The following ADCY3 variants were observed in gnomAD, a reference collection of about 807,000 sequenced individuals.
ADCY3 encodes the protein adenylate cyclase type 3.
Under a neutral mutation model 119.4 loss-of-function variants are expected in ADCY3, and 70 were observed. The observed-to-expected ratio is 0.59, with a 90% CI of 0.48 to 0.72. ADCY3 has a LOEUF of 0.72. Among genes scored for constraint, ADCY3 ranks in the 30% least tolerant of loss-of-function variants. The pLI, the probability that ADCY3 is intolerant of heterozygous loss-of-function variation, is 0.00. For synonymous variants in ADCY3, 672 were observed against 621.4 expected, an observed-to-expected ratio of 1.08 and a Z score of -1.21; for missense variants, 1,238 against 1,541.6, an observed-to-expected ratio of 0.80 and a Z score of 3.30.
chr2:24,856,321 T>C (rs1004190572), intron 3 of ADCY3, among the ~76,000 whole-genome samples: 6 of 152,232 alleles, frequency 3.9e-5, no homozygotes, highest in Non-Finnish European at 8.8e-5. Flanking sequence ...TCCATGTGTG[T>C]TCATGTGTTC....
rs1253657141 is a variant in ADCY3, at chr2:24,878,331, AC to A, written c.676-5613del. Among the ~76,000 whole-genome samples, 5 of 152,132 alleles carry A rather than the reference AC, an allele frequency of 3.3e-5. No individual in the cohort carries two copies. Among genetic ancestry groups the A allele is most frequent in the African/African-American group, 1.2e-4 (5 of 41,430 alleles). On this transcript the variant is annotated intron_variant, in intron 2 of 21. Transcript: ENST00000679454. This position sits in a 1 kb window ranked among gnomAD's most constrained non-coding sequence, Gnocchi z 4.0. ...ATCGCAAGATCCTTCACGTTTGCTA[AC>A]AACCCGTAGGGAAATGGGGCTGCTC...
chr2:24,823,476 G>T, intron 17 of ADCY3, 121 bp from the exon 18 acceptor site: 13 of 957,222 alleles, frequency 1.4e-5, no homozygotes, highest in Non-Finnish European at 1.9e-5. Flanking sequence ...TCACACATCA[G>T]TCAGATTATT....
At chr2:24,846,730 C>T (rs1437112525) in intron 3 of ADCY3, among the ~76,000 whole-genome samples, 1 of 152,120 alleles carries the variant, frequency 6.6e-6, no homozygotes, top group African/African-American at 2.4e-5. Context: ...AGGTGCCTGC[C>T]CCCATGCCCG....
At chr2:24,902,996 A>C (rs1223167052) in intron 2 of ADCY3, among the ~76,000 whole-genome samples, 1 of 151,976 alleles carries the variant, frequency 6.6e-6, no homozygotes, top group African/African-American at 2.4e-5. Flanking sequence ...ACACCATAAA[A>C]ATTAGCTTGG....
rs191490128 is a variant in ADCY3 at position 24,918,283 on chromosome 2, C to T, written c.675+30G>A. ...AGTTGGTGAGAGCTGCAGGAGAGGA[C>T]GCTGTGGGGGGACAGTGGGCAGGAC... On this transcript the variant is annotated intron_variant, in intron 2 of 21. Coordinates refer to ENST00000679454, the MANE Select transcript of ADCY3 (RefSeq NM_004036.5). This position sits in a 1 kb window ranked among gnomAD's most constrained non-coding sequence, Gnocchi z 5.4. The T allele has an allele frequency of 7.2e-6, 11 of 1,522,756 alleles. No individual in the cohort carries two copies. The highest frequency in any genetic ancestry group is 4.9e-4 in the Middle Eastern group (2 of 4,066). The allele number at this position is 1,522,756 out of a possible 1,614,324, so 94.3% of individuals were successfully genotyped here.
chr2:24,915,254 G>A lies in ADCY3; in HGVS notation c.675+3059C>T, dbSNP rs574272542. Among the ~76,000 whole-genome samples the A allele has an allele frequency of 4.6e-5, 7 of 152,330 alleles. No homozygotes were observed. The East Asian group carries it at 7.7e-4, about 17-fold the overall frequency. On this transcript the variant is annotated intron_variant, in intron 2 of 21. Coordinates refer to ENST00000679454, the MANE Select transcript of ADCY3 (RefSeq NM_004036.5). ...CTGGAGGGAGTCCCCAGCCAGAGCC[G>A]ACAGGGGATGGGAGAGAGAAAGACA...
At chr2:24,823,401 T>C (rs1269022681) in intron 17 of ADCY3, 46 bp from the exon 18 acceptor site, 3 of 1,589,478 alleles carry the variant, frequency 1.9e-6, no homozygotes, top group Admixed American at 1.9e-5. Flanking sequence ...TCCGACTGAC[T>C]GGATGATGTG....
At chr2:24,905,561 G>A (rs959057173) in intron 2 of ADCY3, among the ~76,000 whole-genome samples, 6 of 152,212 alleles carry the variant, frequency 3.9e-5, no homozygotes, top group Non-Finnish European at 7.3e-5. Flanking sequence ...AGGGCCAAGC[G>A]GGGAGGGATG....
chr2:24,873,514 G>A (rs1410930207), intron 2 of ADCY3, among the ~76,000 whole-genome samples: 1 of 152,204 alleles, frequency 6.6e-6, no homozygotes, highest in Non-Finnish European at 1.5e-5. Context: ...TGCCCCAGGT[G>A]TCCTGGCCCA....
chr2:24,872,782 T>C lies in ADCY3; in HGVS notation c.676-63A>G. On this transcript the variant is annotated intron_variant, in intron 2 of 21. Transcript: ENST00000679454. The surrounding 1 kb of genome is among the most constrained non-coding windows in gnomAD (Gnocchi z 4.4). Reference sequence around the variant, plus strand: ...GAAGGCACGTCTTCAGAAAAGGGGATGGAGAAGGGGATGGAGGAGGTGGGG... The same window carrying C: ...GAAGGCACGTCTTCAGAAAAGGGGACGGAGAAGGGGATGGAGGAGGTGGGG... The C allele has an allele frequency of 6.3e-7, 1 of 1,576,268 alleles. No individual in the cohort carries two copies. Among genetic ancestry groups the C allele is most frequent in the Non-Finnish European group, 8.7e-7 (1 of 1,154,274 alleles).
At chr2:24,892,317 C>T (rs560363889) in intron 2 of ADCY3, among the ~76,000 whole-genome samples, 4 of 150,348 alleles carry the variant, frequency 2.7e-5, no homozygotes, top group Admixed American at 6.6e-5. Context: ...GGCGCGATCT[C>T]GGCTCACTGC....
At chr2:24,848,191 A>G (rs1005988015) in intron 3 of ADCY3, among the ~76,000 whole-genome samples, 1 of 152,242 alleles carries the variant, frequency 6.6e-6, no homozygotes, top group Non-Finnish European at 1.5e-5. Context: ...GGTTTACAGA[A>G]ATGAGGACAA....
intron 3 of ADCY3, among the ~76,000 whole-genome samples, chr2:24,851,555 C>T (rs1401287976): frequency 2.6e-5 from 4 of 152,178 alleles, no homozygotes; most frequent in African/African-American, 9.7e-5. Context: ...GGCTCTGAGA[C>T]CCCTGGAATG....
chr2:24,850,132 C>T (rs1479522644), intron 3 of ADCY3, among the ~76,000 whole-genome samples: 1 of 152,010 alleles, frequency 6.6e-6, no homozygotes, highest in Non-Finnish European at 1.5e-5. Context: ...TGTCACCTCT[C>T]CAGAGAGCCC....
intron 2 of ADCY3, among the ~76,000 whole-genome samples, chr2:24,894,668 T>C (rs10175064): frequency 0.47 from 70,717 of 151,384 alleles, 19,497 homozygotes; most frequent in African/African-American, 0.78. Flanking sequence ...AAGATAACTT[T>C]CATATGTTTC....
At chr2:24,904,644 A>G (rs1034586047) in intron 2 of ADCY3, among the ~76,000 whole-genome samples, 4 of 152,054 alleles carry the variant, frequency 2.6e-5, no homozygotes, top group Admixed American at 1.3e-4. Context: ...CCAGCTTGTA[A>G]GTTTCTTCTC....
At chr2:24,907,593 T>G (rs10200566) in intron 2 of ADCY3, among the ~76,000 whole-genome samples, 80,935 of 151,632 alleles carry the variant, frequency 0.53, 24,137 homozygotes, top group African/African-American at 0.82. Flanking sequence ...GAAGGAAGAG[T>G]CATCAGACAG....
chr2:24,853,925 G>A (rs1400803046), intron 3 of ADCY3, among the ~76,000 whole-genome samples: 1 of 152,196 alleles, frequency 6.6e-6, no homozygotes, highest in Non-Finnish European at 1.5e-5. Flanking sequence ...ATTGAATGAG[G>A]ATATACAATA....
intron 2 of ADCY3, among the ~76,000 whole-genome samples, chr2:24,915,253 C>T (rs754666716): frequency 1.4e-4 from 22 of 152,180 alleles, no homozygotes; most frequent in Middle Eastern, 3.2e-3. Flanking sequence ...CAGCCAGAGC[C>T]GACAGGGGAT....
Sources: allele counts gnomAD v4.1 joint callset (sites outside exome capture counted in the v4.1 genomes callset), GRCh38; gene constraint gnomAD v4.1.1; non-coding constraint Gnocchi (gnomAD v3.1); transcripts MANE v1.5; gene names NCBI Gene and HGNC (gene_info 2026-07-23, HGNC 2026-07-21).